KIAA1217: variants seen among roughly 807,000 people sequenced by gnomAD.
The protein encoded by KIAA1217 is sickle tail protein homolog.
Under a neutral mutation model 163.9 loss-of-function variants are expected in KIAA1217, and 88 were observed. That is an observed-to-expected ratio of 0.54 (90% CI 0.45 to 0.64). The LOEUF (loss-of-function observed/expected upper bound fraction) is 0.64. Ranked by LOEUF, KIAA1217 falls within the 30% of genes least tolerant of loss-of-function variation. KIAA1217 has a pLI of 0.00. For synonymous variants in KIAA1217, 903 were observed against 923.1 expected (o/e 0.98, Z 0.39); for missense variants, 2,372 against 2,475.0 (o/e 0.96, Z 0.88).
intron 1 of KIAA1217, among the ~76,000 whole-genome samples, chr10:23,953,614 G>C (rs977917131): frequency 6.6e-6 from 1 of 152,200 alleles, no homozygotes; most frequent in Middle Eastern, 3.2e-3. Flanking sequence ...GACTCAACTA[G>C]CCAAGTGAGT....
At chr10:24,046,745 AG>A (rs1849059578) in intron 2 of KIAA1217, among the ~76,000 whole-genome samples, 1 of 152,194 alleles carries the variant, frequency 6.6e-6, no homozygotes, top group African/African-American at 2.4e-5. Flanking sequence ...GGCAACATAG[AG>A]CCAAACCATA....
chr10:24,334,477 AAGG>A (rs77759598), intron 2 of KIAA1217, among the ~76,000 whole-genome samples: 51,107 of 146,344 alleles, frequency 0.35, 10,666 homozygotes, highest in Middle Eastern at 0.54. Context: ...GGAAGGAAGG[AAGG>A]AAGGAACTTA....
In KIAA1217 at chr10:23,957,723, G is replaced by T. The variant is rs146141000; in HGVS notation, c.-320-49502G>T. ...GGTAACATACTGAGACTCCATCTTG[G>T]AAATAAATAAATAAATAACTCCCAA... On this transcript the variant is annotated intron_variant, in intron 1 of 18. Coordinates refer to the KIAA1217 transcript ENST00000376462. Among the ~76,000 whole-genome samples, 19 of 152,092 alleles carry T rather than the reference G, an allele frequency of 1.2e-4. No individual in the cohort carries two copies. The East Asian group carries it at 3.7e-3, about 29-fold the overall frequency.
intron 2 of KIAA1217, among the ~76,000 whole-genome samples, chr10:24,349,689 G>A (rs982892253): frequency 2.6e-5 from 4 of 152,174 alleles, no homozygotes; most frequent in East Asian, 1.9e-4. Context: ...GCCAAGAACC[G>A]AAAGCCATTA....
chr10:24,266,817 T>TG (rs1389429787), intron 2 of KIAA1217, among the ~76,000 whole-genome samples: 1 of 152,214 alleles, frequency 6.6e-6, no homozygotes, highest in Non-Finnish European at 1.5e-5. Context: ...CAGCCAGTAG[T>TG]GGCAACCCGC....
intron 1 of KIAA1217, among the ~76,000 whole-genome samples, chr10:23,941,645 T>C (rs1843773065): frequency 6.6e-6 from 1 of 152,008 alleles, no homozygotes; most frequent in Admixed American, 6.6e-5. Flanking sequence ...GCATAAAAAA[T>C]CCCCTAAGAA....
chr10:23,917,320 C>T (rs1842670685), intron 1 of KIAA1217, among the ~76,000 whole-genome samples: 2 of 152,186 alleles, frequency 1.3e-5, no homozygotes, highest in Admixed American at 6.5e-5. Flanking sequence ...GAACCACTCT[C>T]ATTTCAGTCC....
chr10:23,969,351 A>G (rs12269048), intron 1 of KIAA1217, among the ~76,000 whole-genome samples: 21,527 of 152,242 alleles, frequency 0.14, 3,161 homozygotes, highest in African/African-American at 0.38. Flanking sequence ...TCTATGTTTA[A>G]CATTTTGAGG....
chr10:24,198,815 G>GC (rs1208379832), intron 2 of KIAA1217, among the ~76,000 whole-genome samples: 1 of 152,132 alleles, frequency 6.6e-6, no homozygotes, highest in East Asian at 1.9e-4. Context: ...GGGCTTAATA[G>GC]TTTTTTGAAA....
chr10:24,205,609 T>C (rs2067513518), upstream of KIAA1217, among the ~76,000 whole-genome samples: 1 of 149,100 alleles, frequency 6.7e-6, no homozygotes, highest in South Asian at 2.1e-4. Flanking sequence ...CCATCTCTAC[T>C]AAAAATACAA....
At chr10:24,269,282 G>C (rs920961458) in intron 2 of KIAA1217, among the ~76,000 whole-genome samples, 5 of 151,596 alleles carry the variant, frequency 3.3e-5, no homozygotes, top group Admixed American at 3.3e-4. Flanking sequence ...CAACAGTTTG[G>C]GAGACCGAGG....
At chr10:24,222,379 C>T (rs1475745157) in intron 2 of KIAA1217, among the ~76,000 whole-genome samples, 1 of 152,172 alleles carries the variant, frequency 6.6e-6, no homozygotes, top group East Asian at 1.9e-4. Flanking sequence ...CATTTTTATT[C>T]TCTTATTAAC....
At chr10:23,862,497 A>G (rs1218447784) in intron 1 of KIAA1217, among the ~76,000 whole-genome samples, 3 of 152,166 alleles carry the variant, frequency 2.0e-5, no homozygotes, top group Non-Finnish European at 2.9e-5. Context: ...CAGAGCTTTT[A>G]TCTCTCTCTT....
Position 24,543,618 on chromosome 10 carries a change from C to G in KIAA1217, c.4348C>G (p.Pro1450Ala). The G allele has an allele frequency of 5.0e-6, 8 of 1,614,012 alleles. No homozygotes were observed. Among genetic ancestry groups the G allele is most frequent in the Non-Finnish European group, 6.8e-6 (8 of 1,180,016 alleles). ...KKPVIIIFDE[P>A]MDIRSAYKRL... Reference sequence around the variant, plus strand: ...ACCAGTGATCATCATTTTCGATGAGCCCATGGACATCCGGTCTGCCTATAA... The same window carrying G: ...ACCAGTGATCATCATTTTCGATGAGGCCATGGACATCCGGTCTGCCTATAA... Residue 1450 changes from proline (P) to alanine (A), a missense_variant, in exon 19 of 21, where the codon CCC (proline) becomes GCC (alanine). Transcript: ENST00000376454.
In KIAA1217 at chr10:24,219,750, G is replaced by A. The variant is rs528232766; in HGVS notation, c.195G>A (p.Arg65=). 2.5e-6 allele frequency: 4 copies of A among 1,613,804 alleles called. No homozygotes were observed. In the East Asian group the frequency reaches 8.9e-5, roughly 36 times the overall value. The change falls in exon 2 of 21, where the codon AGG becomes AGA. Residue 65 remains arginine (R), a synonymous_variant. Coordinates refer to ENST00000376454, the MANE Select transcript of KIAA1217 (RefSeq NM_019590.5). ...SVSKSSRNIP[R]RHTLGGPRSS... Reference sequence around the variant, plus strand: ...CCAAGTCTTCCCGCAATATCCCAAGGAGACACACCCTAGGGGGGCCCCGAA... The same window carrying A: ...CCAAGTCTTCCCGCAATATCCCAAGAAGACACACCCTAGGGGGGCCCCGAA...
At chr10:23,800,949 A>G (rs1836439452) in intron 1 of KIAA1217, among the ~76,000 whole-genome samples, 1 of 152,154 alleles carries the variant, frequency 6.6e-6, no homozygotes, top group Non-Finnish European at 1.5e-5. Flanking sequence ...CGGAAATACC[A>G]TTTGACCTAG....
chr10:24,441,472 C>T (rs1032254545), intron 5 of KIAA1217, among the ~76,000 whole-genome samples: 2 of 152,194 alleles, frequency 1.3e-5, no homozygotes, highest in South Asian at 2.1e-4. Flanking sequence ...CTTCCCAGAG[C>T]GGTTTTATGA....
At chr10:23,800,256 A>G (rs183191462) in intron 1 of KIAA1217, among the ~76,000 whole-genome samples, 1 of 152,302 alleles carries the variant, frequency 6.6e-6, no homozygotes, top group Admixed American at 6.5e-5. Context: ...TTTTTTCCTC[A>G]GTGGATTTGA....
At chr10:24,254,899 G>T (rs1405163106) in intron 2 of KIAA1217, among the ~76,000 whole-genome samples, 1 of 151,694 alleles carries the variant, frequency 6.6e-6, no homozygotes, top group East Asian at 1.9e-4. Context: ...TGTCACCCAG[G>T]CTGGAGTGCA....
Sources: allele counts gnomAD v4.1 joint callset (sites outside exome capture counted in the v4.1 genomes callset), GRCh38; gene constraint gnomAD v4.1.1; transcripts MANE v1.5; gene names NCBI Gene and HGNC (gene_info 2026-07-23, HGNC 2026-07-21).